Variants in ZDHHC8 observed in about 807,000 individuals in gnomAD.
ZDHHC8 encodes the protein palmitoyltransferase ZDHHC8.
In ZDHHC8, 24 loss-of-function variants were observed where a neutral mutation model predicts 61.2. That is an observed-to-expected ratio of 0.39 (90% CI 0.28 to 0.55). The LOEUF (loss-of-function observed/expected upper bound fraction) is 0.55, where lower values mean the gene tolerates loss of function less well. ZDHHC8 is among the 20% of genes least tolerant of loss of function. ZDHHC8 has a pLI of 0.60. For missense variants in ZDHHC8, 935 were observed against 1,102.1 expected (o/e 0.85, Z 2.15); for synonymous variants, 523 against 492.5 (o/e 1.06, Z -0.82).
chr22:20,146,584 G>A lies in ZDHHC8; in HGVS notation c.*1184G>A. 19 of 996,042 alleles carry A rather than the reference G, an allele frequency of 1.9e-5. No individual in the cohort carries two copies. Among genetic ancestry groups the A allele is most frequent in the Non-Finnish European group, 2.3e-5 (19 of 837,486 alleles). The allele number at this position is 996,042 out of a possible 1,614,324, so 61.7% of individuals were successfully genotyped here. ...GTGCAGGGGTCGGTGGGTTCCTCAGGGGCATTTCTGCCGACTTGGGCTGAG... is the reference window on the plus strand; with the variant it reads ...GTGCAGGGGTCGGTGGGTTCCTCAGAGGCATTTCTGCCGACTTGGGCTGAG... On this transcript the variant is annotated 3_prime_UTR_variant, in exon 11 of 11. Transcript: ENST00000334554.
Position 20,141,018 on chromosome 22 carries a change from C to A in ZDHHC8, c.894+6C>A. The A allele has an allele frequency of 6.2e-7, 1 of 1,610,252 alleles. No homozygotes were observed. The highest frequency in any genetic ancestry group is 8.5e-7 in the Non-Finnish European group (1 of 1,179,904). ...CTGGCCTGGGCCGTAGCAAGGTGGG[C>A]GCCTGGGCTTAGGGATGGGCTGGCA... On this transcript the variant is annotated splice_donor_region_variant and intron_variant, in intron 7 of 10. Coordinates refer to ENST00000334554, the MANE Select transcript of ZDHHC8 (RefSeq NM_013373.4).
rs143829721 is a variant in ZDHHC8 at position 20,143,311 on chromosome 22, C to A, written c.1681C>A (p.Arg561Ser). ...SIQERKDREE[R>S]ERLLRSQADS... The stretch of plus-strand genomic sequence containing the variant: ...CCAGGAGCGCAAGGACAGGGAGGAG[C>A]GTGAGCGCCTGCTGCGCTCCCAGGC... Residue 561 changes from arginine to serine, a missense_variant, in exon 10 of 11, where the codon CGT becomes AGT. By Grantham distance (110) the Arg-to-Ser change is moderately radical. This residue lies in a region of ZDHHC8 where 692 missense variants were observed against 731.4 expected (regional missense o/e 0.95). Coordinates refer to ENST00000334554, the MANE Select transcript of ZDHHC8 (RefSeq NM_013373.4). 2.5e-6 allele frequency: 4 copies of A among 1,599,030 alleles called. No individual in the cohort carries two copies. The African/African-American group carries it at 4.0e-5, about 16-fold the overall frequency.
chr22:20,140,475 G>A (rs2050458570), intron 5 of ZDHHC8, 142 bp from the exon 6 acceptor site: 2 of 946,102 alleles, frequency 2.1e-6, no homozygotes, highest in East Asian at 2.6e-5. Context: ...ACCTATGTGA[G>A]GGGCAGCCCT....
Position 20,143,893 on chromosome 22 carries a change from C to A in ZDHHC8, c.2126+137C>A. 4.3e-6 allele frequency: 5 copies of A among 1,174,742 alleles called. No individual in the cohort carries two copies. In the South Asian group the frequency reaches 6.4e-5, roughly 15 times the overall value. The allele number at this position is 1,174,742 out of a possible 1,614,324, so 72.8% of individuals were successfully genotyped here. ...CTCTGGGGACGGGACAGGGAGGATG[C>A]GCCTCACCCTGCCTTGAAGGCCTTG... On this transcript the variant is annotated intron_variant, in intron 10 of 10. Coordinates refer to ENST00000334554, the MANE Select transcript of ZDHHC8 (RefSeq NM_013373.4).
At chr22:20,138,095 G>T (rs1362909716) in intron 1 of ZDHHC8, among the ~76,000 whole-genome samples, 4 of 152,264 alleles carry the variant, frequency 2.6e-5, no homozygotes, top group Non-Finnish European at 5.9e-5. Context: ...CTGGCTCTTG[G>T]CCAGGCGGGC....
In ZDHHC8 at chr22:20,143,810, G is replaced by A. The variant is rs575793131; in HGVS notation, c.2126+54G>A. On this transcript the variant is annotated intron_variant, in intron 10 of 10. Transcript: ENST00000334554. ...CCTGGCACAGGGCAGCTGTCCAGCC[G>A]TCTCCAGGGCCCCTCTTGGCTGGGC... 7.9e-5 allele frequency: 122 copies of A among 1,540,922 alleles called. 1 individual carries two copies. Among genetic ancestry groups the A allele is most frequent in the South Asian group, 5.4e-4 (44 of 81,938 alleles).
In ZDHHC8 at chr22:20,139,613, G is replaced by A. The variant is rs759908466; in HGVS notation, c.362G>A (p.Ser121Asn). 6.2e-7 allele frequency: 1 copy of A among 1,613,140 alleles called. No individual in the cohort carries two copies. The highest frequency in any genetic ancestry group is 1.1e-5 in the South Asian group (1 of 91,092). ...CGCCCGCCGCGCTGCTCCCACTGCA[G>A]CGTCTGTGACAACTGTGTAGAGGTG... ...FYRPPRCSHCSVCDNCVEDFD... is the reference protein window; with the variant it reads ...FYRPPRCSHCNVCDNCVEDFD... The change falls in exon 3 of 11, where the codon AGC becomes AAC. Residue 121 changes from serine (S) to asparagine (N), a missense_variant. Ser to Asn is a conservative substitution (Grantham distance 46, BLOSUM62 1). Coordinates refer to ENST00000334554, the MANE Select transcript of ZDHHC8 (RefSeq NM_013373.4).
intron 1 of ZDHHC8, 93 bp downstream of exon 1, chr22:20,132,144 G>A (rs2050380642): frequency 2.4e-6 from 2 of 831,740 alleles, no homozygotes; most frequent in African/African-American, 1.8e-5. Context: ...GGGCTGGCGG[G>A]GCCCCGGGCA....
Position 20,147,330 on chromosome 22 carries a change from T to G in ZDHHC8, c.*1930T>G. ...CCCTGGGGCAGGGCTGGGGGTGGGCTGGGCTCTCTGCTCCACCAGCCACAG... is the reference window on the plus strand; with the variant it reads ...CCCTGGGGCAGGGCTGGGGGTGGGCGGGGCTCTCTGCTCCACCAGCCACAG... On this transcript the variant is annotated 3_prime_UTR_variant, in exon 11 of 11. Transcript: ENST00000334554. 8.2e-7 allele frequency: 1 copy of G among 1,213,268 alleles called. No homozygotes were observed. The highest frequency in any genetic ancestry group is 1.1e-6 in the Non-Finnish European group (1 of 915,508). The allele number at this position is 1,213,268 out of a possible 1,614,324, so 75.2% of individuals were successfully genotyped here.
intron 6 of ZDHHC8, 22 bp downstream of exon 6, chr22:20,140,730 G>GT (rs1311391733): frequency 1.2e-6 from 2 of 1,604,362 alleles, no homozygotes; most frequent in African/African-American, 2.7e-5. Flanking sequence ...CCTGGGCAGG[G>GT]TGGAGGGGGG....
At position 20,140,178 on chromosome 22, in the gene ZDHHC8, T is replaced by C. The variant is rs371128480; in HGVS notation, c.621T>C (p.His207=). The C allele has an allele frequency of 1.7e-4, 278 of 1,613,252 alleles. No homozygotes were observed. Among genetic ancestry groups the C allele is most frequent in the Non-Finnish European group, 2.3e-4 (275 of 1,179,984 alleles). Reference sequence around the variant, plus strand: ...CTGTCATTGGCCTCACTGGCTTCCATGTGGTGCTGGTCACTCGGGGGCGCA... The same window carrying C: ...CTGTCATTGGCCTCACTGGCTTCCACGTGGTGCTGGTCACTCGGGGGCGCA... The part of the protein sequence containing the change: ...FIPVIGLTGF[H]VVLVTRGRTT... Residue 207 remains histidine, a synonymous_variant, in exon 5 of 11, where the codon CAT becomes CAC. Transcript: ENST00000334554.
intron 1 of ZDHHC8, among the ~76,000 whole-genome samples, chr22:20,137,657 G>A (rs2050432996): frequency 6.6e-6 from 1 of 152,204 alleles, no homozygotes; most frequent in African/African-American, 2.4e-5. Context: ...AAGGCTCGTG[G>A]AGAGCTCCAC....
At position 20,143,284 on chromosome 22, in the gene ZDHHC8, A is replaced by G; in HGVS notation, c.1654A>G (p.Ile552Val). 6.2e-7 allele frequency: 1 copy of G among 1,605,774 alleles called. No individual in the cohort carries two copies. The highest frequency in any genetic ancestry group is 8.5e-7 in the Non-Finnish European group (1 of 1,179,138). ...DNLSRTIMAS[I>V]QERKDREERE... ...CCTGTCCAGGACCATCATGGCATCC[A>G]TCCAGGAGCGCAAGGACAGGGAGGA... The change falls in exon 10 of 11, where the codon ATC becomes GTC. Residue 552 changes from isoleucine (I) to valine (V), a missense_variant. By Grantham distance (29) the Ile-to-Val change is conservative. Around this residue, in one of 3 missense-constraint regions of ZDHHC8, gnomAD observed 692 missense variants for 731.4 expected, o/e 0.95. Transcript: ENST00000334554.
chr22:20,141,608 C>G, intron 9 of ZDHHC8, 78 bp downstream of exon 9: 4 of 1,169,598 alleles, frequency 3.4e-6, no homozygotes, highest in Non-Finnish European at 4.8e-6. Context: ...CAGCCTTCAC[C>G]CCGTGAAGGC....
intron 1 of ZDHHC8, among the ~76,000 whole-genome samples, chr22:20,137,280 C>T (rs2050429483): frequency 6.6e-6 from 1 of 152,250 alleles, no homozygotes; most frequent in South Asian, 2.1e-4. Flanking sequence ...GCAGTACCGC[C>T]TGCTTGGGCT....
At chr22:20,139,917 A>G in intron 4 of ZDHHC8, 25 bp downstream of exon 4, 5 of 1,607,484 alleles carry the variant, frequency 3.1e-6, no homozygotes, top group Non-Finnish European at 4.2e-6. Flanking sequence ...TGTGGGCCTC[A>G]TTGCAGAGGC....
Position 20,146,133 on chromosome 22 carries a change from A to G in ZDHHC8, c.*733A>G. On this transcript the variant is annotated 3_prime_UTR_variant, in exon 11 of 11. Transcript: ENST00000334554. ...AACCTTTGCTTTATGCTCTTGTGGGAGGCGACGGGGGGGCAGGCGGGAGCA... is the reference window on the plus strand; with the variant it reads ...AACCTTTGCTTTATGCTCTTGTGGGGGGCGACGGGGGGGCAGGCGGGAGCA... 1 of 985,518 alleles carries G rather than the reference A, an allele frequency of 1.0e-6. No homozygotes were observed. Among genetic ancestry groups the G allele is most frequent in the Non-Finnish European group, 1.2e-6 (1 of 829,930 alleles). The allele number at this position is 985,518 out of a possible 1,614,324, so 61.0% of individuals were successfully genotyped here.
Position 20,146,291 on chromosome 22 carries a change from T to A in ZDHHC8, c.*891T>A. The A allele has an allele frequency of 1.0e-6, 1 of 985,510 alleles. No homozygotes were observed. The highest frequency in any genetic ancestry group is 1.2e-6 in the Non-Finnish European group (1 of 829,906). 61.0% of individuals were successfully genotyped at this position (985,510 alleles called of 1,614,324 possible). ...GTCCGCAGCCCCGGCCTGGCTGCGG[T>A]GCTCGCGCCGTGGGAAAGCACACTG... On this transcript the variant is annotated 3_prime_UTR_variant, in exon 11 of 11. Coordinates refer to ENST00000334554, the MANE Select transcript of ZDHHC8 (RefSeq NM_013373.4).
intron 10 of ZDHHC8, among the ~76,000 whole-genome samples, chr22:20,144,314 A>G (rs2050502654): frequency 1.3e-5 from 2 of 152,116 alleles, no homozygotes; most frequent in African/African-American, 4.8e-5. Flanking sequence ...GGACTGGAGA[A>G]AGCAGGCTGG....
Sources: gnomAD v4.1 joint callset for allele counts (sites outside exome capture counted in the v4.1 genomes callset) on GRCh38, gnomAD v4.1.1 for gene constraint, gnomAD v4.1.1 regional missense constraint, MANE v1.5 for transcripts, NCBI Gene and HGNC (gene_info 2026-07-23, HGNC 2026-07-21) for gene names.